The following BABAM2 variants were observed in gnomAD, a reference collection of about 807,000 sequenced individuals.
The protein encoded by BABAM2 is BRISC and BRCA1 A complex member 2.
Under a neutral mutation model 54.7 loss-of-function variants are expected in BABAM2, and 31 were observed. That is an observed-to-expected ratio of 0.57 (90% CI 0.43 to 0.77). The LOEUF is 0.77. BABAM2 is among the 30% of genes least tolerant of loss of function. The probability of loss-of-function intolerance (pLI) is 0.00; values close to 1 mark genes in which losing one functional copy is unlikely to be tolerated. For synonymous variants in BABAM2, 167 were observed against 162.9 expected (o/e 1.03, Z -0.19); for missense variants, 364 against 455.8 (o/e 0.80, Z 1.83).
chr2:28,202,279 C>T (rs758341845), intron 7 of BABAM2, among the ~76,000 whole-genome samples: 13 of 152,108 alleles, frequency 8.5e-5, no homozygotes, highest in Admixed American at 2.0e-4. Context: ...TTTAGCCTTG[C>T]TCTATTAGTA....
intron 6 of BABAM2, among the ~76,000 whole-genome samples, chr2:28,055,107 T>C (rs1372114455): frequency 6.6e-6 from 1 of 152,182 alleles, no homozygotes; most frequent in African/African-American, 2.4e-5. Flanking sequence ...ATCATGTCTT[T>C]TGCAACAACA....
intron 10 of BABAM2, among the ~76,000 whole-genome samples, chr2:28,252,186 C>CA (rs1280015583): frequency 0.032 from 3,085 of 97,204 alleles, 112 homozygotes; most frequent in African/African-American, 0.099. Context: ...AACTCCATCT[C>CA]AAAAAAAAAA....
chr2:28,071,228 T>A (rs1480438704), intron 6 of BABAM2, among the ~76,000 whole-genome samples: 1 of 152,218 alleles, frequency 6.6e-6, no homozygotes, highest in Non-Finnish European at 1.5e-5. Flanking sequence ...TTGTTTTAAA[T>A]TCGATGTCTT....
chr2:28,189,533 T>G (rs1676677188), intron 7 of BABAM2, among the ~76,000 whole-genome samples: 1 of 151,972 alleles, frequency 6.6e-6, no homozygotes, highest in Admixed American at 6.6e-5. Context: ...TAAACACCAT[T>G]TAAAATAGCA....
At chr2:28,105,217 G>C (rs900178489) in intron 6 of BABAM2, among the ~76,000 whole-genome samples, 1 of 151,910 alleles carries the variant, frequency 6.6e-6, no homozygotes, top group African/African-American at 2.4e-5. Flanking sequence ...AGTAAATTCA[G>C]TTTGTGATGT....
In BABAM2 at chr2:28,325,355, TGCCCCCA is replaced by T. The variant is rs1302408871; in HGVS notation, c.1089-13091_1089-13085del. 1.3e-5 allele frequency among the ~76,000 whole-genome samples: 2 copies of T among 152,180 alleles called. No individual in the cohort carries two copies. Among genetic ancestry groups the T allele is most frequent in the Non-Finnish European group, 2.9e-5 (2 of 68,034 alleles). On this transcript the variant is annotated intron_variant, in intron 11 of 11. Coordinates refer to ENST00000379624, the MANE Select transcript of BABAM2 (RefSeq NM_199191.3). This position sits in a 1 kb window ranked among gnomAD's most constrained non-coding sequence, Gnocchi z 4.3. ...CAGATGCATCTCCTCCTCCTGTGCT[TGCCCCCA>T]GCCTCTCTACTGCATGATTACAGAA... is the stretch of plus-strand genomic sequence containing the variant.
At chr2:28,080,015 T>C (rs769124531) in intron 6 of BABAM2, among the ~76,000 whole-genome samples, 1 of 152,194 alleles carries the variant, frequency 6.6e-6, no homozygotes, top group African/African-American at 2.4e-5. Context: ...TACACTGTTT[T>C]GCACAGTGAA....
intron 1 of BABAM2, among the ~76,000 whole-genome samples, chr2:27,892,837 C>T (rs935469593): frequency 6.6e-6 from 1 of 152,036 alleles, no homozygotes; most frequent in East Asian, 1.9e-4. Context: ...GTTAAGCGGT[C>T]AGAAGAAGAG....
At chr2:28,155,654 C>T (rs1238325149) in intron 7 of BABAM2, among the ~76,000 whole-genome samples, 1 of 152,112 alleles carries the variant, frequency 6.6e-6, no homozygotes, top group East Asian at 1.9e-4. Context: ...AATCTAAAAA[C>T]AAATATTTGT....
chr2:28,248,132 A>G (rs1359851985), intron 10 of BABAM2, among the ~76,000 whole-genome samples: 1 of 151,436 alleles, frequency 6.6e-6, no homozygotes, highest in Non-Finnish European at 1.5e-5. Flanking sequence ...AGGCAATTCC[A>G]TATTTGCCAA....
chr2:28,032,839 G>T (rs1048292369), intron 5 of BABAM2, among the ~76,000 whole-genome samples: 1 of 151,976 alleles, frequency 6.6e-6, no homozygotes, highest in Non-Finnish European at 1.5e-5. Flanking sequence ...AATAATTATA[G>T]ATATATAGGA....
Position 28,037,027 on chromosome 2 carries a change from A to G in BABAM2, c.496-8698A>G, listed in dbSNP as rs368708207. ...TGAATGAATGAATGAATAATGCATG[A>G]ATTGTGGACATTTTATTATATACGC... On this transcript the variant is annotated intron_variant, in intron 5 of 11. Transcript: ENST00000379624. Among the ~76,000 whole-genome samples the G allele has an allele frequency of 4.8e-4, 73 of 152,302 alleles. 1 individual carries two copies. In the East Asian group the frequency reaches 7.3e-3, roughly 15 times the overall value.
intron 11 of BABAM2, among the ~76,000 whole-genome samples, chr2:28,328,571 G>A (rs1448021905): frequency 6.6e-6 from 1 of 152,156 alleles, no homozygotes; most frequent in Non-Finnish European, 1.5e-5. Context: ...AAGCATGTTT[G>A]AATTCCAGAA....
At chr2:28,210,169 G>A (rs1461565296) in intron 7 of BABAM2, among the ~76,000 whole-genome samples, 1 of 152,112 alleles carries the variant, frequency 6.6e-6, no homozygotes, top group South Asian at 2.1e-4. Flanking sequence ...CAGCCTGCAA[G>A]GGAAGGCCTG....
intron 6 of BABAM2, among the ~76,000 whole-genome samples, chr2:28,115,749 G>A (rs923382912): frequency 6.6e-5 from 10 of 152,128 alleles, no homozygotes; most frequent in African/African-American, 2.4e-4. Context: ...GCAGAGCAGA[G>A]ACCTGATGGA....
intron 11 of BABAM2, chr2:28,310,104 G>A: frequency 6.2e-7 from 1 of 1,614,198 alleles, no homozygotes; most frequent in Non-Finnish European, 8.5e-7. Context: ...CAGAGATGGG[G>A]AGGAATCCAG....
intron 6 of BABAM2, among the ~76,000 whole-genome samples, chr2:28,065,460 C>T (rs955272008): frequency 1.3e-5 from 2 of 152,058 alleles, no homozygotes; most frequent in Admixed American, 1.3e-4. Context: ...TCCTTAATAT[C>T]GCCTCTGTTA....
At chr2:28,327,575 C>A in intron 11 of BABAM2, 1 of 1,110,816 alleles carries the variant, frequency 9.0e-7, no homozygotes. Flanking sequence ...TTTAATTCAA[C>A]ACATACTGAG....
At chr2:27,992,977 A>G (rs1482911596) in intron 4 of BABAM2, among the ~76,000 whole-genome samples, 6 of 152,176 alleles carry the variant, frequency 3.9e-5, no homozygotes, top group African/African-American at 1.2e-4. Flanking sequence ...CCTATGCAAA[A>G]TAGCAATACT....
Sources: gnomAD v4.1 joint callset for allele counts (sites outside exome capture counted in the v4.1 genomes callset) on GRCh38, gnomAD v4.1.1 for gene constraint, Gnocchi (gnomAD v3.1) non-coding constraint, MANE v1.5 for transcripts, NCBI Gene and HGNC (gene_info 2026-07-23, HGNC 2026-07-21) for gene names.